INO80: variants seen among roughly 807,000 people sequenced by gnomAD.
INO80 encodes INO80 complex ATPase subunit, also known as chromatin-remodeling ATPase INO80.
Under a neutral mutation model 203.4 loss-of-function variants are expected in INO80, and 20 were observed. The observed-to-expected ratio is 0.10, with a 90% confidence interval of 0.07 to 0.14. The LOEUF is 0.14. INO80 is among the 10% of genes least tolerant of loss of function. The pLI is 1.00. For synonymous variants in INO80, 726 were observed against 685.2 expected (o/e 1.06, Z -0.93); for missense variants, 1,419 against 1,914.4 (o/e 0.74, Z 4.83).
intron 18 of INO80, 38 bp downstream of exon 18, chr15:41,055,209 G>T (rs944964228): frequency 2.6e-6 from 3 of 1,167,654 alleles, no homozygotes; most frequent in Non-Finnish European, 3.8e-6. Context: ...TGCCTACACT[G>T]ATAGGTAGAT....
chr15:41,080,393 A>T (rs2045468159), intron 8 of INO80, among the ~76,000 whole-genome samples: 1 of 152,172 alleles, frequency 6.6e-6, no homozygotes, highest in Non-Finnish European at 1.5e-5. Context: ...CACAATTCTT[A>T]AAGGAAGTTG....
chr15:41,009,000 G>C (rs576756553), intron 27 of INO80, among the ~76,000 whole-genome samples: 1 of 152,100 alleles, frequency 6.6e-6, no homozygotes, highest in South Asian at 2.1e-4. Context: ...GCCTGGCTAA[G>C]TTTGTATTTT....
intron 32 of INO80, 74 bp from the exon 33 acceptor site, chr15:40,984,426 A>G: frequency 7.2e-7 from 1 of 1,380,010 alleles, no homozygotes; most frequent in Non-Finnish European, 1.0e-6. Flanking sequence ...TGGGAAGAAA[A>G]GGATAACAGA....
intron 5 of INO80, 91 bp from the exon 6 acceptor site, chr15:41,087,773 T>G (rs545698786): frequency 1.0e-5 from 13 of 1,305,092 alleles, no homozygotes; most frequent in East Asian, 2.4e-5. Context: ...GAGGAAATCA[T>G]AGCTCCTAAA....
intron 6 of INO80, 87 bp downstream of exon 6, chr15:41,087,475 A>T (rs1346582153): frequency 7.2e-7 from 1 of 1,384,126 alleles, no homozygotes. Flanking sequence ...ATATGGACTT[A>T]TATATAAAGT....
At chr15:41,095,136 C>A (rs1030372767) in intron 4 of INO80, among the ~76,000 whole-genome samples, 1 of 151,748 alleles carries the variant, frequency 6.6e-6, no homozygotes, top group Non-Finnish European at 1.5e-5. Flanking sequence ...GTCAGGAGTT[C>A]GAGACCAACC....
chr15:41,109,791 G>A (rs2045933136), intron 1 of INO80, among the ~76,000 whole-genome samples: 1 of 152,012 alleles, frequency 6.6e-6, no homozygotes, highest in Non-Finnish European at 1.5e-5. Flanking sequence ...AATTAGCCAG[G>A]CATGGTGGCA....
chr15:41,052,245 G>C (rs1437266486), intron 19 of INO80, among the ~76,000 whole-genome samples: 1 of 151,946 alleles, frequency 6.6e-6, no homozygotes, highest in East Asian at 1.9e-4. Flanking sequence ...TCTCTCAGTT[G>C]TATCTATGTG....
rs1171236070 is a variant in INO80 at position 41,062,036 on chromosome 15, G to A, written c.1783-2110C>T. The stretch of plus-strand genomic sequence containing the variant: ...TCTGAAAAATTTCAGCCAAATGGAA[G>A]CAGAAATATGCAGGAAGAAATGAAG... On this transcript the variant is annotated intron_variant, in intron 14 of 35. Coordinates refer to ENST00000648947, the MANE Select transcript of INO80 (RefSeq NM_017553.3). Among the ~76,000 whole-genome samples, 5 of 152,086 alleles carry A rather than the reference G, an allele frequency of 3.3e-5. No individual in the cohort carries two copies. The East Asian group carries it at 9.6e-4, about 29-fold the overall frequency.
At chr15:41,069,304 C>A (rs940245515) in intron 14 of INO80, among the ~76,000 whole-genome samples, 1 of 151,574 alleles carries the variant, frequency 6.6e-6, no homozygotes, top group Non-Finnish European at 1.5e-5. Context: ...GCAGCTGGGA[C>A]TACAGACACA....
At chr15:41,062,840 A>G (rs1190497817) in intron 14 of INO80, among the ~76,000 whole-genome samples, 1 of 152,182 alleles carries the variant, frequency 6.6e-6, no homozygotes, top group African/African-American at 2.4e-5. Flanking sequence ...AACTATAACA[A>G]ATAAATCTCT....
At chr15:41,018,019 T>C (rs115815502) in intron 26 of INO80, 49 of 152,326 alleles carry the variant, frequency 3.2e-4, no homozygotes, top group African/African-American at 1.1e-3. Context: ...TCTCCAGTAA[T>C]TGAATTCCCT....
intron 15 of INO80, 75 bp from the exon 16 acceptor site, chr15:41,058,856 T>C: frequency 7.0e-7 from 1 of 1,419,194 alleles, no homozygotes. Context: ...ATGGACTGTT[T>C]TTCTAGGGCC....
intron 14 of INO80, among the ~76,000 whole-genome samples, chr15:41,065,869 T>C (rs573142273): frequency 2.0e-5 from 3 of 152,110 alleles, no homozygotes; most frequent in South Asian, 2.1e-4. Flanking sequence ...ACAAGGTGAA[T>C]AGAACGTGAT....
At chr15:41,100,695 TA>T (rs2045794099) in intron 1 of INO80, among the ~76,000 whole-genome samples, 1 of 152,210 alleles carries the variant, frequency 6.6e-6, no homozygotes, top group African/African-American at 2.4e-5. Context: ...TTATATTTTT[TA>T]AGTGTTCAAT....
rs1256408928 is a variant in INO80, at chr15:41,073,635, C to T, written c.1328-140G>A. The T allele has an allele frequency of 5.6e-6, 4 of 713,708 alleles. No individual in the cohort carries two copies. In the Admixed American group the frequency reaches 8.5e-5, roughly 15 times the overall value. The allele number at this position is 713,708 out of a possible 1,614,324, so 44.2% of individuals were successfully genotyped here. On this transcript the variant is annotated intron_variant, in intron 10 of 35. Coordinates refer to ENST00000648947, the MANE Select transcript of INO80 (RefSeq NM_017553.3). ...CACGGAGGGTGGGGGAAGAGAAAGG[C>T]TAAATTCTCAGAGGTAAGAAGCTGG... is the stretch of plus-strand genomic sequence containing the variant.
intron 27 of INO80, chr15:41,013,073 T>TAACAACGACAAC (rs2044154547): frequency 5.9e-5 from 1 of 16,982 alleles, no homozygotes; most frequent in South Asian, 2.5e-3. Context: ...CTAAGGCACA[T>TAACAACGACAAC]AACAACAACA....
intron 24 of INO80, among the ~76,000 whole-genome samples, chr15:41,038,335 C>G (rs2044614682): frequency 6.6e-6 from 1 of 151,994 alleles, no homozygotes; most frequent in African/African-American, 2.4e-5. Context: ...GTGAAATCTG[C>G]AAGACTCTTT....
At chr15:41,066,657 C>G (rs747218360) in intron 14 of INO80, among the ~76,000 whole-genome samples, 3 of 150,924 alleles carry the variant, frequency 2.0e-5, no homozygotes, top group Non-Finnish European at 4.4e-5. Context: ...AGCAAGACGG[C>G]ACCATAAAAT....
Sources: allele counts gnomAD v4.1 joint callset (sites outside exome capture counted in the v4.1 genomes callset), GRCh38; gene constraint gnomAD v4.1.1; transcripts MANE v1.5; gene names NCBI Gene and HGNC (gene_info 2026-07-23, HGNC 2026-07-21).